MDN1: variants seen among roughly 807,000 people sequenced by gnomAD.
MDN1 encodes the protein midasin AAA ATPase 1.
In MDN1, 266 loss-of-function variants were observed where a neutral mutation model predicts 669.2. The ratio of observed to expected loss-of-function variants is 0.40; its 90% CI spans 0.36 to 0.44. The LOEUF is 0.44. Among genes scored for constraint, MDN1 ranks in the 20% least tolerant of loss-of-function variants. The pLI, the probability that MDN1 is intolerant of heterozygous loss-of-function variation, is 1.00. For synonymous variants in MDN1, 2,385 were observed against 2,457.1 expected (o/e 0.97, Z 0.87); for missense variants, 5,940 against 6,754.0 (o/e 0.88, Z 4.22).
At chr6:89,723,255 G>T in intron 39 of MDN1, 112 bp from the exon 40 acceptor site, 1 of 1,111,884 alleles carries the variant, frequency 9.0e-7, no homozygotes, top group Non-Finnish European at 1.3e-6. Flanking sequence ...AAAATTAACA[G>T]GCTTGATTCA....
In MDN1 at chr6:89,655,687, C is replaced by T. The variant is rs1032440135; in HGVS notation, c.15490+77G>A. On this transcript the variant is annotated intron_variant, in intron 92 of 101. Transcript: ENST00000369393. The stretch of plus-strand genomic sequence containing the variant: ...CACACTGTACCCCACAAATACGTAT[C>T]ATTATTATAGGTCACATAGCACAAG... 8.4e-6 allele frequency: 11 copies of T among 1,306,152 alleles called. No individual in the cohort carries two copies. The Admixed American group carries it at 1.9e-4, about 23-fold the overall frequency. 80.9% of individuals were successfully genotyped at this position (1,306,152 alleles called of 1,614,324 possible).
intron 7 of MDN1, among the ~76,000 whole-genome samples, chr6:89,789,089 A>C (rs972486649): frequency 6.6e-6 from 1 of 151,774 alleles, no homozygotes. Context: ...GTGCTACTGC[A>C]CTCCAGCCGG....
rs370648425 is a variant in MDN1, at chr6:89,650,800, C to T, written c.15963G>A (p.Ala5321=). The T allele has an allele frequency of 4.8e-5, 78 of 1,613,972 alleles. No individual in the cohort carries two copies. The African/African-American group carries it at 6.8e-4, about 14-fold the overall frequency. ...CTTCACATAACCGTTGTGAAAGAGG[C>T]GCTGTTAAGATCAGGTAACTCTGCC... ...EMWQSYLILT[A]PLSQRLCEEL... The change falls in exon 96 of 102, where the codon GCG becomes GCA. Residue 5321 remains alanine (A), a synonymous_variant. Transcript: ENST00000369393.
chr6:89,789,407 GA>G (rs1358089048), intron 7 of MDN1, among the ~76,000 whole-genome samples: 1 of 152,154 alleles, frequency 6.6e-6, no homozygotes, highest in African/African-American at 2.4e-5. Context: ...CCACCACTAA[GA>G]AGCAGGATCT....
At position 89,700,630 on chromosome 6, in the gene MDN1, T is replaced by A. The variant is rs1283827990; in HGVS notation, c.8638+16A>T. The A allele has an allele frequency of 6.2e-7, 1 of 1,608,666 alleles. No individual in the cohort carries two copies. The highest frequency in any genetic ancestry group is 1.3e-5 in the African/African-American group (1 of 74,796). On this transcript the variant is annotated intron_variant, in intron 56 of 101. Transcript: ENST00000369393. ...TCAGAGCATCTGTCAGCTAGCCAAG[T>A]GCTAGAATATTTTACCTAGGCTGAC...
At chr6:89,760,626 T>C (rs957371088) in intron 17 of MDN1, among the ~76,000 whole-genome samples, 2 of 152,044 alleles carry the variant, frequency 1.3e-5, no homozygotes, top group Non-Finnish European at 2.9e-5. Context: ...TATACATATA[T>C]ACAAACAATG....
chr6:89,674,494 C>A lies in MDN1; in HGVS notation c.12857G>T (p.Trp4286Leu). The change falls in exon 79 of 102, where the codon TGG becomes TTG. Residue 4286 changes from tryptophan to leucine, a missense_variant. Coordinates refer to ENST00000369393, the MANE Select transcript of MDN1 (RefSeq NM_014611.3). ...AFPPQDGVQQWTERLQHLAMQ... is the reference protein window; with the variant it reads ...AFPPQDGVQQLTERLQHLAMQ... ...GGCCAGGTGCTGCAGGCGCTCTGTC[C>A]ACTGCTGCACGCCATCCTGAGGGGG... The A allele has an allele frequency of 6.2e-7, 1 of 1,612,220 alleles. No individual in the cohort carries two copies. The highest frequency in any genetic ancestry group is 8.5e-7 in the Non-Finnish European group (1 of 1,179,952).
At chr6:89,745,459 A>C (rs1816557433) in intron 28 of MDN1, 33 bp downstream of exon 28, 2 of 1,613,852 alleles carry the variant, frequency 1.2e-6, no homozygotes, top group Non-Finnish European at 8.5e-7. Context: ...TACAACTCAA[A>C]TCATATTCCT....
chr6:89,690,199 A>C, intron 64 of MDN1, 56 bp from the exon 65 acceptor site: 1 of 1,540,192 alleles, frequency 6.5e-7, no homozygotes. Context: ...ACTTCTAATC[A>C]GACTAAAAGG....
intron 19 of MDN1, among the ~76,000 whole-genome samples, chr6:89,757,809 G>A (rs752402055): frequency 2.0e-5 from 3 of 152,098 alleles, no homozygotes; most frequent in Non-Finnish European, 4.4e-5. Context: ...ACTTTGGGAG[G>A]CTGAGGCAGG....
rs1816214318 is a variant in MDN1, at chr6:89,740,284, A to T, written c.4543T>A (p.Phe1515Ile). 1 of 1,611,636 alleles carries T rather than the reference A, an allele frequency of 6.2e-7. No homozygotes were observed. Among genetic ancestry groups the T allele is most frequent in the Non-Finnish European group, 8.5e-7 (1 of 1,179,344 alleles). ...EIELLTAGKK[F>I]RILATMNPGG... Reference sequence around the variant, plus strand: ...GGGTTCATGGTTGCTAGAATACGAAATTTTTTCCCAGCAGTCAACAGCTCT... The same window carrying T: ...GGGTTCATGGTTGCTAGAATACGAATTTTTTTCCCAGCAGTCAACAGCTCT... Residue 1515 changes from phenylalanine (F) to isoleucine (I), a missense_variant, in exon 32 of 102, where the codon TTT becomes ATT. Physicochemically the swap from Phe to Ile is conservative, Grantham distance 21. Coordinates refer to ENST00000369393, the MANE Select transcript of MDN1 (RefSeq NM_014611.3).
At chr6:89,757,353 A>G (rs1458238503) in intron 19 of MDN1, among the ~76,000 whole-genome samples, 1 of 152,244 alleles carries the variant, frequency 6.6e-6, no homozygotes, top group Admixed American at 6.5e-5. Context: ...AAATATGCGT[A>G]TACTGGTATA....
intron 15 of MDN1, 80 bp from the exon 16 acceptor site, chr6:89,762,610 G>T: frequency 1.0e-6 from 1 of 987,512 alleles, no homozygotes; most frequent in Non-Finnish European, 1.5e-6. Context: ...GAAAACAGGA[G>T]TAGGTCTCAG....
chr6:89,645,707 C>T (rs1386028711), intron 100 of MDN1, among the ~76,000 whole-genome samples: 1 of 152,138 alleles, frequency 6.6e-6, no homozygotes, highest in Admixed American at 6.5e-5. Flanking sequence ...ACACTCAACA[C>T]TGAATAAAAT....
intron 1 of MDN1, among the ~76,000 whole-genome samples, chr6:89,804,885 A>G (rs1002846863): frequency 6.6e-6 from 1 of 151,872 alleles, no homozygotes; most frequent in Non-Finnish European, 1.5e-5. Flanking sequence ...ATACAAAAAA[A>G]ATTAGCTGGG....
In MDN1 at chr6:89,776,624, G is replaced by C. The variant is rs778244970; in HGVS notation, c.1797C>G (p.Ser599Arg). Residue 599 changes from serine (S) to arginine (R), a missense_variant, in exon 12 of 102, where the codon AGC (serine) becomes AGG (arginine). This residue lies in a region of MDN1 where 1,203 missense variants were observed against 1,268.9 expected (regional missense o/e 0.95). Coordinates refer to ENST00000369393, the MANE Select transcript of MDN1 (RefSeq NM_014611.3). ...CCTTTTTTCTAGAAATGTTCAATTT[G>C]CTTCCAATAACTTCTGCCATTTTCA... ...SKLKMAEVIG[S>R]KLNISRKKAE... The C allele has an allele frequency of 1.6e-5, 25 of 1,611,658 alleles. No individual in the cohort carries two copies. Among genetic ancestry groups the C allele is most frequent in the Non-Finnish European group, 1.9e-5 (22 of 1,177,996 alleles).
chr6:89,762,641 G>A (rs1423926271), intron 15 of MDN1, 111 bp from the exon 16 acceptor site: 9 of 707,034 alleles, frequency 1.3e-5, no homozygotes, highest in Non-Finnish European at 1.9e-5. Flanking sequence ...ATTAACGTCA[G>A]AAATACTACT....
chr6:89,732,620 T>C lies in MDN1; in HGVS notation c.4879A>G (p.Ile1627Val). The C allele has an allele frequency of 6.2e-7, 1 of 1,614,102 alleles. No individual in the cohort carries two copies. Among genetic ancestry groups the C allele is most frequent in the South Asian group, 1.1e-5 (1 of 91,078 alleles). The change falls in exon 34 of 102, where the codon ATC becomes GTC. Residue 1627 changes from isoleucine to valine, a missense_variant. Physicochemically the swap from Ile to Val is conservative, Grantham distance 29. This residue lies in a region of MDN1 where 2,292 missense variants were observed against 2,638.3 expected (regional missense o/e 0.87). Transcript: ENST00000369393. The stretch of plus-strand genomic sequence containing the variant: ...TGGACAAAAGATGTCACAGTGGAGA[T>C]GATCTCTGGCCTTTTCAAAGCAGCT... ...EEAALKRPEI[I>V]STVTSFVHAA...
intron 17 of MDN1, among the ~76,000 whole-genome samples, chr6:89,759,450 T>C (rs1288969000): frequency 6.6e-6 from 1 of 152,142 alleles, no homozygotes; most frequent in African/African-American, 2.4e-5. Context: ...ATTTAATTGG[T>C]TTTAGAAATA....
Sources: allele counts gnomAD v4.1 joint callset (sites outside exome capture counted in the v4.1 genomes callset), GRCh38; gene constraint gnomAD v4.1.1; regional missense constraint gnomAD v4.1.1; transcripts MANE v1.5; gene names NCBI Gene and HGNC (gene_info 2026-07-23, HGNC 2026-07-21).